CTNNA3: variants seen among roughly 807,000 people sequenced by gnomAD.
The protein encoded by CTNNA3 is catenin alpha 3, also known as catenin alpha-3.
Under a neutral mutation model 95.7 loss-of-function variants are expected in CTNNA3, and 76 were observed. The ratio of observed to expected loss-of-function variants is 0.79; its 90% CI spans 0.66 to 0.96. CTNNA3 has a LOEUF of 0.96. Ranked by LOEUF, CTNNA3 falls within the 40% of genes least tolerant of loss-of-function variation. The pLI is 0.00. For synonymous variants in CTNNA3, 431 were observed against 374.4 expected, an observed-to-expected ratio of 1.15 and a Z score of -1.74; for missense variants, 1,191 against 1,089.8, an observed-to-expected ratio of 1.09 and a Z score of -1.31.
intron 3 of CTNNA3, among the ~76,000 whole-genome samples, chr10:67,595,983 A>G (rs1842923070): frequency 6.6e-6 from 1 of 152,118 alleles, no homozygotes; most frequent in Non-Finnish European, 1.5e-5. Flanking sequence ...TGCTTGGTAA[A>G]TCTTTCTCCA....
intron 5 of CTNNA3, among the ~76,000 whole-genome samples, chr10:67,341,605 AC>A (rs1842194185): frequency 6.6e-6 from 1 of 152,154 alleles, no homozygotes; most frequent in South Asian, 2.1e-4. Context: ...GTTGATGGAC[AC>A]TTAAGTTGCT....
intron 12 of CTNNA3, among the ~76,000 whole-genome samples, chr10:66,300,219 A>T (rs1248049713): frequency 1.3e-5 from 2 of 152,062 alleles, no homozygotes; most frequent in Non-Finnish European, 2.9e-5. Context: ...TTTTAAAATC[A>T]CCATTAGAAT....
At chr10:66,047,772 G>A (rs180802033) in intron 15 of CTNNA3, among the ~76,000 whole-genome samples, 1 of 152,078 alleles carries the variant, frequency 6.6e-6, no homozygotes, top group Admixed American at 6.6e-5. Flanking sequence ...GATACCTTCG[G>A]CAAAGTTGCA....
chr10:66,833,906 A>C (rs1331294127), intron 7 of CTNNA3, among the ~76,000 whole-genome samples: 1 of 152,288 alleles, frequency 6.6e-6, no homozygotes, highest in Admixed American at 6.5e-5. Context: ...TGAATACCTA[A>C]GAAGCTTTTA....
chr10:66,690,693 G>T (rs1847492753), intron 9 of CTNNA3, among the ~76,000 whole-genome samples: 1 of 151,816 alleles, frequency 6.6e-6, no homozygotes, highest in Non-Finnish European at 1.5e-5. Flanking sequence ...TGGTGTATAT[G>T]TGCCACATTT....
intron 9 of CTNNA3, among the ~76,000 whole-genome samples, chr10:66,632,292 G>A (rs1252806761): frequency 3.3e-5 from 5 of 152,066 alleles, no homozygotes; most frequent in Non-Finnish European, 5.9e-5. Flanking sequence ...GGTGGCTCAC[G>A]TCTGTAATCC....
intron 5 of CTNNA3, among the ~76,000 whole-genome samples, chr10:67,454,402 G>A (rs1405167922): frequency 1.3e-5 from 2 of 152,070 alleles, no homozygotes; most frequent in African/African-American, 4.8e-5. Flanking sequence ...AATTTTTCTG[G>A]CTGTATTGGA....
At chr10:66,430,166 G>T (rs1336068285) in intron 11 of CTNNA3, among the ~76,000 whole-genome samples, 1 of 147,334 alleles carries the variant, frequency 6.8e-6, no homozygotes, top group Non-Finnish European at 1.5e-5. Flanking sequence ...GCTTCAAAGA[G>T]AATGAAATAC....
At chr10:66,386,710 C>A (rs536252005) in intron 11 of CTNNA3, among the ~76,000 whole-genome samples, 1 of 152,254 alleles carries the variant, frequency 6.6e-6, no homozygotes, top group African/African-American at 2.4e-5. Context: ...TACAAGGCTA[C>A]AGTAACCAAA....
At chr10:66,446,557 G>A (rs1343443924) in intron 11 of CTNNA3, among the ~76,000 whole-genome samples, 2 of 151,662 alleles carry the variant, frequency 1.3e-5, no homozygotes, top group African/African-American at 2.4e-5. Context: ...CATATAAACA[G>A]AACCAAAGAC....
chr10:67,693,120 T>C (rs1027120561), intron 1 of CTNNA3, among the ~76,000 whole-genome samples: 1 of 152,214 alleles, frequency 6.6e-6, no homozygotes, highest in African/African-American at 2.4e-5. Context: ...AAGCTAGTGA[T>C]TAAATTGGTT....
chr10:67,331,440 G>A (rs775365438), intron 5 of CTNNA3, among the ~76,000 whole-genome samples: 5 of 151,176 alleles, frequency 3.3e-5, no homozygotes, highest in Non-Finnish European at 7.4e-5. Context: ...CTATTTAGAA[G>A]CATATTTTTT....
intron 9 of CTNNA3, among the ~76,000 whole-genome samples, chr10:66,675,236 GC>G (rs778285020): frequency 9.3e-5 from 14 of 150,354 alleles, no homozygotes; most frequent in Non-Finnish European, 1.3e-4. Context: ...ATCTGCTGCT[GC>G]TTTTTTTTTT....
At chr10:67,245,479 G>C (rs1369688538) in intron 5 of CTNNA3, among the ~76,000 whole-genome samples, 1 of 152,148 alleles carries the variant, frequency 6.6e-6, no homozygotes, top group Non-Finnish European at 1.5e-5. Flanking sequence ...TGAATGAACA[G>C]CAACCCAAAT....
At chr10:66,355,730 CAAATT>C (rs151238213) in intron 12 of CTNNA3, among the ~76,000 whole-genome samples, 53,085 of 146,392 alleles carry the variant, frequency 0.36, 11,027 homozygotes, top group Non-Finnish European at 0.48. Context: ...CCAAGGAAAT[CAAATT>C]ATAATTTTTT....
intron 7 of CTNNA3, among the ~76,000 whole-genome samples, chr10:66,948,017 G>A (rs933360835): frequency 2.0e-5 from 3 of 152,234 alleles, no homozygotes; most frequent in African/African-American, 4.8e-5. Context: ...ATAGAATGCT[G>A]TAGGCATTTG....
At chr10:67,261,041 T>C (rs920646873) in intron 5 of CTNNA3, among the ~76,000 whole-genome samples, 1 of 152,200 alleles carries the variant, frequency 6.6e-6, no homozygotes, top group Non-Finnish European at 1.5e-5. Flanking sequence ...TCAAGTGCTC[T>C]GATAGAAAGC....
At chr10:67,524,432 A>T (rs1840081772) in intron 4 of CTNNA3, among the ~76,000 whole-genome samples, 1 of 151,306 alleles carries the variant, frequency 6.6e-6, no homozygotes, top group Admixed American at 6.6e-5. Context: ...AGTGTTCAAA[A>T]TAAGAAACAC....
At chr10:67,581,898 T>TGGC (rs1296634825) in intron 3 of CTNNA3, among the ~76,000 whole-genome samples, 15 of 152,156 alleles carry the variant, frequency 9.9e-5, no homozygotes, top group African/African-American at 1.4e-4. Flanking sequence ...GTGGTATCAA[T>TGGC]GATGATATCC....
Sources: allele counts gnomAD v4.1 joint callset (sites outside exome capture counted in the v4.1 genomes callset), GRCh38; gene constraint gnomAD v4.1.1; transcripts MANE v1.5; gene names NCBI Gene and HGNC (gene_info 2026-07-23, HGNC 2026-07-21).